Variants in DENND5B observed in about 807,000 individuals in gnomAD.
DENND5B encodes DENN domain containing 5B, also known as DENN domain-containing protein 5B.
Under a neutral mutation model 140.6 loss-of-function variants are expected in DENND5B, and 34 were observed. The ratio of observed to expected loss-of-function variants is 0.24; its 90% CI spans 0.18 to 0.32. DENND5B has a LOEUF of 0.32. Among genes scored for constraint, DENND5B ranks in the 10% least tolerant of loss-of-function variants. The pLI is 1.00. For synonymous variants in DENND5B, 551 were observed against 562.1 expected (o/e 0.98, Z 0.28); for missense variants, 1,142 against 1,560.2 (o/e 0.73, Z 4.52).
At chr12:31,442,446 T>C (rs759041861) in intron 7 of DENND5B, among the ~76,000 whole-genome samples, 2 of 152,224 alleles carry the variant, frequency 1.3e-5, no homozygotes, top group Non-Finnish European at 2.9e-5. Context: ...CTAACACAGA[T>C]GATAAAGGTC....
chr12:31,474,651 G>A (rs1032432357), intron 3 of DENND5B, among the ~76,000 whole-genome samples: 2 of 152,154 alleles, frequency 1.3e-5, no homozygotes, highest in Admixed American at 1.3e-4. Flanking sequence ...TTCAGCACAC[G>A]CAATGTTTTT....
chr12:31,439,385 A>C (rs1943923101), intron 7 of DENND5B, among the ~76,000 whole-genome samples: 3 of 152,220 alleles, frequency 2.0e-5, no homozygotes, highest in Admixed American at 1.3e-4. Flanking sequence ...TAAGATTTCA[A>C]AATTAAACTC....
intron 1 of DENND5B, among the ~76,000 whole-genome samples, chr12:31,529,238 A>T (rs1265080872): frequency 1.3e-5 from 2 of 152,018 alleles, no homozygotes; most frequent in East Asian, 1.9e-4. Flanking sequence ...TGATGACAGC[A>T]ATCTATGAAA....
intron 1 of DENND5B, among the ~76,000 whole-genome samples, chr12:31,577,783 A>G: frequency 6.6e-6 from 1 of 151,472 alleles, no homozygotes; most frequent in East Asian, 1.9e-4. Context: ...TCCACAAACT[A>G]TATTTAAGGA....
intron 1 of DENND5B, among the ~76,000 whole-genome samples, chr12:31,534,114 A>T (rs1948394855): frequency 6.6e-6 from 1 of 152,100 alleles, no homozygotes; most frequent in African/African-American, 2.4e-5. Flanking sequence ...TTTCTCTTGG[A>T]TCAGCACCAA....
At chr12:31,421,547 C>T (rs1215741519) in intron 11 of DENND5B, among the ~76,000 whole-genome samples, 3 of 126,198 alleles carry the variant, frequency 2.4e-5, no homozygotes, top group South Asian at 2.8e-4. Context: ...TTTCATATTC[C>T]TATAAATATA....
intron 1 of DENND5B, among the ~76,000 whole-genome samples, chr12:31,586,545 T>C (rs1950398237): frequency 6.6e-6 from 1 of 152,230 alleles, no homozygotes; most frequent in South Asian, 2.1e-4. Context: ...TTAAGAGTTC[T>C]ACGTATTTGA....
At chr12:31,522,646 G>A (rs1254050883) in intron 1 of DENND5B, among the ~76,000 whole-genome samples, 1 of 151,988 alleles carries the variant, frequency 6.6e-6, no homozygotes, top group African/African-American at 2.4e-5. Context: ...GTTTCACCAC[G>A]TTACCCCGGC....
intron 4 of DENND5B, among the ~76,000 whole-genome samples, chr12:31,453,818 A>C (rs918482710): frequency 1.3e-5 from 2 of 152,154 alleles, no homozygotes; most frequent in African/African-American, 4.8e-5. Context: ...AGCAAGCAGC[A>C]TAGTGAAACT....
In DENND5B at chr12:31,591,047, G is replaced by T; in HGVS notation, c.-215C>A. On this transcript the variant is annotated 5_prime_UTR_variant, in exon 1 of 21. Transcript: ENST00000389082. ...CTCGCGCGCGGCGGGTCCGGAGCCC[G>T]GCCGGGTGGGGGAGGGGCGCGGGGG... 3.7e-6 allele frequency: 1 copy of T among 268,556 alleles called. No homozygotes were observed. The highest frequency in any genetic ancestry group is 5.7e-6 in the Non-Finnish European group (1 of 175,140). 16.6% of individuals were successfully genotyped at this position (268,556 alleles called of 1,614,324 possible). A position where few individuals can be genotyped will look rare whatever the true frequency, so the allele number is the denominator to read the frequency against.
intron 1 of DENND5B, among the ~76,000 whole-genome samples, chr12:31,499,952 C>T (rs1273347909): frequency 2.0e-5 from 3 of 152,122 alleles, no homozygotes; most frequent in Admixed American, 1.3e-4. Context: ...CTTCTTAATG[C>T]TTACTTAAAG....
intron 1 of DENND5B, among the ~76,000 whole-genome samples, chr12:31,551,581 T>C (rs1418761538): frequency 1.3e-5 from 2 of 152,162 alleles, no homozygotes; most frequent in Non-Finnish European, 2.9e-5. Context: ...TTTAAAGTAG[T>C]TTTTTCCAAT....
intron 14 of DENND5B, among the ~76,000 whole-genome samples, chr12:31,403,397 T>C (rs1593070004): frequency 2.0e-5 from 3 of 151,602 alleles, no homozygotes; most frequent in Admixed American, 2.0e-4. Context: ...TTTCTTTTTT[T>C]TTTTTGCCAA....
chr12:31,400,785 G>A (rs761857264), intron 15 of DENND5B, among the ~76,000 whole-genome samples: 4 of 151,420 alleles, frequency 2.6e-5, no homozygotes, highest in Non-Finnish European at 5.9e-5. Flanking sequence ...TGCTGTGCTA[G>A]CAAATACTAG....
chr12:31,485,154 G>C (rs1946249803), intron 2 of DENND5B, among the ~76,000 whole-genome samples: 2 of 152,166 alleles, frequency 1.3e-5, no homozygotes, highest in Non-Finnish European at 2.9e-5. Context: ...GCCTGCAGCG[G>C]GCACTGGTCA....
Position 31,386,968 on chromosome 12 carries a change from G to GT in DENND5B, c.*634dup, listed in dbSNP as rs1940879284. ...TTCAGCCAAGCTCCTGGGGTCTAGT[G>GT]TTTAAAATACTCCAATTATATCATC... On this transcript the variant is annotated 3_prime_UTR_variant, in exon 21 of 21. Coordinates refer to ENST00000389082, the MANE Select transcript of DENND5B (RefSeq NM_144973.4). 6.6e-6 allele frequency: 1 copy of GT among 152,176 alleles called. No individual in the cohort carries two copies. Among genetic ancestry groups the GT allele is most frequent in the Non-Finnish European group, 1.5e-5 (1 of 68,050 alleles). 9.4% of individuals were successfully genotyped at this position (152,176 alleles called of 1,614,324 possible).
chr12:31,459,693 C>A (rs2617191), intron 4 of DENND5B, among the ~76,000 whole-genome samples: 1 of 152,238 alleles, frequency 6.6e-6, no homozygotes, highest in Admixed American at 6.5e-5. Context: ...CCAAGCCAAG[C>A]TGACATTTAG....
intron 11 of DENND5B, among the ~76,000 whole-genome samples, chr12:31,421,199 C>T (rs542326444): frequency 6.6e-6 from 1 of 151,894 alleles, no homozygotes; most frequent in South Asian, 2.1e-4. Flanking sequence ...ACCTGCCACC[C>T]ATGCCTGGCT....
intron 1 of DENND5B, among the ~76,000 whole-genome samples, chr12:31,535,706 T>C (rs77566910): frequency 0.011 from 1,726 of 152,208 alleles, 19 homozygotes; most frequent in East Asian, 0.032. Context: ...CTGCAAAGAC[T>C]ACAGTAAATA....
Sources: gnomAD v4.1 joint callset for allele counts (sites outside exome capture counted in the v4.1 genomes callset) on GRCh38, gnomAD v4.1.1 for gene constraint, MANE v1.5 for transcripts, NCBI Gene and HGNC (gene_info 2026-07-23, HGNC 2026-07-21) for gene names.